CPQ: variants seen among roughly 807,000 people sequenced by gnomAD.
CPQ encodes the protein Ser-Met dipeptidase.
Under a neutral mutation model 45.7 loss-of-function variants are expected in CPQ, and 37 were observed. That is an observed-to-expected ratio of 0.81 (90% CI 0.62 to 1.07). The LOEUF is 1.07. Among genes scored for constraint, CPQ ranks in the 50% least tolerant of loss-of-function variants. CPQ has a pLI of 0.00. For missense variants in CPQ, 537 were observed against 572.9 expected, an observed-to-expected ratio of 0.94 and a Z score of 0.64; for synonymous variants, 186 against 205.8, an observed-to-expected ratio of 0.90 and a Z score of 0.82.
At chr8:97,087,478 T>TG (rs987264147) in intron 7 of CPQ, among the ~76,000 whole-genome samples, 1 of 151,592 alleles carries the variant, frequency 6.6e-6, no homozygotes, top group Admixed American at 6.6e-5. Flanking sequence ...CCCAGAGTGG[T>TG]GGGCTCTTAT....
intron 4 of CPQ, among the ~76,000 whole-genome samples, chr8:96,926,785 G>A (rs1183664309): frequency 2.0e-5 from 3 of 151,744 alleles, no homozygotes; most frequent in Non-Finnish European, 4.4e-5. Context: ...CCATCAACCT[G>A]TCATCTACAT....
At chr8:97,054,731 G>T (rs1298596726) in intron 6 of CPQ, among the ~76,000 whole-genome samples, 1 of 152,134 alleles carries the variant, frequency 6.6e-6, no homozygotes, top group Non-Finnish European at 1.5e-5. Context: ...GGTATGCAAA[G>T]ACAAACAGGG....
intron 3 of CPQ, among the ~76,000 whole-genome samples, chr8:96,861,178 T>C (rs1451188803): frequency 6.6e-6 from 1 of 152,158 alleles, no homozygotes; most frequent in Non-Finnish European, 1.5e-5. Context: ...GTCTAGATTG[T>C]ACTTCTAAGC....
intron 3 of CPQ, among the ~76,000 whole-genome samples, chr8:96,874,005 T>C (rs963851925): frequency 6.6e-6 from 1 of 151,866 alleles, no homozygotes; most frequent in African/African-American, 2.4e-5. Context: ...ATTTAAGCAC[T>C]GCATTTATTT....
intron 7 of CPQ, among the ~76,000 whole-genome samples, chr8:97,135,991 G>A (rs970726414): frequency 2.6e-5 from 4 of 152,140 alleles, no homozygotes; most frequent in African/African-American, 7.2e-5. Context: ...CATCTCTTCA[G>A]GAATTAGCAG....
At chr8:96,988,312 A>G (rs1809026879) in intron 5 of CPQ, among the ~76,000 whole-genome samples, 1 of 152,182 alleles carries the variant, frequency 6.6e-6, no homozygotes. Flanking sequence ...AATTTACAGA[A>G]GCCTTATTTC....
chr8:96,876,485 G>A (rs1812146775), intron 3 of CPQ, among the ~76,000 whole-genome samples: 1 of 152,086 alleles, frequency 6.6e-6, no homozygotes. Flanking sequence ...GGAGTGGGGA[G>A]ACAAACATCC....
At chr8:96,928,165 C>T (rs931046079) in intron 4 of CPQ, among the ~76,000 whole-genome samples, 1 of 152,048 alleles carries the variant, frequency 6.6e-6, no homozygotes, top group African/African-American at 2.4e-5. Context: ...CATTTTCTAT[C>T]GTAAGACAGA....
intron 6 of CPQ, among the ~76,000 whole-genome samples, chr8:97,044,764 G>A (rs907896802): frequency 6.6e-6 from 1 of 152,206 alleles, no homozygotes; most frequent in African/African-American, 2.4e-5. Context: ...GACCCTGTTT[G>A]CCTGGGTATC....
intron 1 of CPQ, among the ~76,000 whole-genome samples, chr8:96,717,086 TACACAC>T (rs112733642): frequency 1.1e-4 from 14 of 121,954 alleles, no homozygotes; most frequent in Non-Finnish European, 2.0e-4. Flanking sequence ...TACGTATATA[TACACAC>T]ACACACACAC....
At chr8:97,083,669 G>A (rs1417177259) in intron 7 of CPQ, among the ~76,000 whole-genome samples, 1 of 152,130 alleles carries the variant, frequency 6.6e-6, no homozygotes, top group African/African-American at 2.4e-5. Flanking sequence ...ATTGATTATA[G>A]GTGATAAGAG....
intron 1 of CPQ, among the ~76,000 whole-genome samples, chr8:96,655,242 G>C (rs1206093483): frequency 1.3e-5 from 2 of 152,004 alleles, no homozygotes; most frequent in Non-Finnish European, 2.9e-5. Context: ...CATAATTCTT[G>C]TAGGTTTTCT....
At chr8:97,053,415 G>T (rs1372371835) in intron 6 of CPQ, among the ~76,000 whole-genome samples, 1 of 152,184 alleles carries the variant, frequency 6.6e-6, no homozygotes, top group Non-Finnish European at 1.5e-5. Context: ...AGGGGAACAA[G>T]GCAGACTTTA....
chr8:97,133,654 G>A (rs368877050), intron 7 of CPQ, among the ~76,000 whole-genome samples: 6 of 152,166 alleles, frequency 3.9e-5, no homozygotes, highest in South Asian at 4.1e-4. Flanking sequence ...TGCTGGGTTA[G>A]ATAAAAACTG....
chr8:96,935,077 G>T (rs1384268120), intron 4 of CPQ, among the ~76,000 whole-genome samples: 1 of 152,196 alleles, frequency 6.6e-6, no homozygotes, highest in Non-Finnish European at 1.5e-5. Flanking sequence ...TAACTGAAGA[G>T]TTTTGGTAGG....
intron 5 of CPQ, among the ~76,000 whole-genome samples, chr8:96,985,363 T>G (rs1015031262): frequency 6.6e-6 from 1 of 152,150 alleles, no homozygotes; most frequent in African/African-American, 2.4e-5. Context: ...CCATACAGAA[T>G]AAATCTATCA....
chr8:96,723,078 C>T (rs1809786811), intron 1 of CPQ, among the ~76,000 whole-genome samples: 1 of 152,144 alleles, frequency 6.6e-6, no homozygotes, highest in African/African-American at 2.4e-5. Flanking sequence ...ACATTTTCAG[C>T]TTCAGTTATC....
chr8:97,043,697 C>G (rs912482720), intron 6 of CPQ, among the ~76,000 whole-genome samples: 2 of 151,766 alleles, frequency 1.3e-5, no homozygotes, highest in Non-Finnish European at 2.9e-5. Flanking sequence ...GACAAAATCT[C>G]TCATTTGCTT....
intron 4 of CPQ, among the ~76,000 whole-genome samples, chr8:96,906,542 A>T (rs768839307): frequency 5.9e-5 from 9 of 152,184 alleles, no homozygotes; most frequent in Admixed American, 2.6e-4. Flanking sequence ...TAACAAAATT[A>T]TAATAAAATA....
Sources: gnomAD v4.1 joint callset for allele counts (sites outside exome capture counted in the v4.1 genomes callset) on GRCh38, gnomAD v4.1.1 for gene constraint, MANE v1.5 for transcripts, NCBI Gene and HGNC (gene_info 2026-07-23, HGNC 2026-07-21) for gene names.